The following CDON variants were observed in gnomAD, a reference collection of about 807,000 sequenced individuals.
CDON encodes cell adhesion associated, oncogene regulated, also known as cell adhesion molecule-related/down-regulated by oncogenes.
Under a neutral mutation model 120.9 loss-of-function variants are expected in CDON, and 73 were observed. The ratio of observed to expected loss-of-function variants is 0.60; its 90% CI spans 0.50 to 0.73. The LOEUF is 0.73. CDON is among the 30% of genes least tolerant of loss of function. The pLI is 0.00. For missense variants in CDON, 1,470 were observed against 1,587.3 expected (o/e 0.93, Z 1.26); for synonymous variants, 566 against 573.5 (o/e 0.99, Z 0.19).
At chr11:126,038,633 C>T (rs1948168559) in intron 1 of CDON, among the ~76,000 whole-genome samples, 1 of 151,302 alleles carries the variant, frequency 6.6e-6, no homozygotes, top group African/African-American at 2.4e-5. Context: ...GCCTGGGCAA[C>T]AGGAGCGAAA....
chr11:126,001,195 CTTT>C (rs35347300), intron 11 of CDON, among the ~76,000 whole-genome samples: 62 of 135,868 alleles, frequency 4.6e-4, no homozygotes, highest in Non-Finnish European at 5.7e-4. Context: ...CTTCCTTTTT[CTTT>C]TTTTTTTTTT....
intron 12 of CDON, among the ~76,000 whole-genome samples, chr11:125,996,437 G>A (rs552536446): frequency 6.6e-6 from 1 of 152,148 alleles, no homozygotes; most frequent in African/African-American, 2.4e-5. Context: ...GGTGGCTCAC[G>A]CCTGTAATCC....
chr11:126,038,810 G>A (rs897984849), intron 1 of CDON, among the ~76,000 whole-genome samples: 1 of 151,736 alleles, frequency 6.6e-6, no homozygotes, highest in Admixed American at 6.6e-5. Flanking sequence ...GCCAACATAA[G>A]TAAGTACCTC....
At chr11:126,025,284 G>A (rs144411267) in intron 1 of CDON, among the ~76,000 whole-genome samples, 3 of 152,120 alleles carry the variant, frequency 2.0e-5, no homozygotes, top group East Asian at 3.9e-4. Flanking sequence ...CTCAAACATC[G>A]ATGAGAAGCA....
chr11:125,978,224 A>G, intron 18 of CDON, 80 bp downstream of exon 18: 1 of 813,626 alleles, frequency 1.2e-6, no homozygotes, highest in South Asian at 1.4e-5. Context: ...AATTCCAAGA[A>G]CTTTCTTTGC....
chr11:126,019,504 T>G lies in CDON; in HGVS notation c.496+115A>C, dbSNP rs1257288101. On this transcript the variant is annotated intron_variant, in intron 4 of 19. Transcript: ENST00000531738. ...ATTGTAACCATTTGTTTTAGTCCTC[T>G]CCACTCATGCCTTCTTGTATCCACA... is the stretch of plus-strand genomic sequence containing the variant. 67 of 1,127,888 alleles carry G rather than the reference T, an allele frequency of 5.9e-5. 1 individual carries two copies. The Admixed American group carries it at 1.2e-3, about 20-fold the overall frequency. 69.9% of individuals were successfully genotyped at this position (1,127,888 alleles called of 1,614,324 possible).
At chr11:126,047,429 C>T (rs557271131) in intron 1 of CDON, among the ~76,000 whole-genome samples, 4 of 152,272 alleles carry the variant, frequency 2.6e-5, no homozygotes, top group South Asian at 4.1e-4. Context: ...GTTACTCCCA[C>T]GGCAAGAGCT....
At chr11:125,977,971 A>T (rs1178531447) in intron 18 of CDON, among the ~76,000 whole-genome samples, 2 of 152,164 alleles carry the variant, frequency 1.3e-5, no homozygotes, top group Admixed American at 1.3e-4. Context: ...CCCATAACAT[A>T]GAGTAGAAAA....
chr11:125,976,927 C>G (rs1453096632), intron 18 of CDON, among the ~76,000 whole-genome samples: 1 of 152,170 alleles, frequency 6.6e-6, no homozygotes, highest in African/African-American at 2.4e-5. Context: ...TATTCTTAGA[C>G]CAGAGATCCT....
intron 18 of CDON, among the ~76,000 whole-genome samples, chr11:125,976,954 A>G (rs1946165749): frequency 6.6e-6 from 1 of 152,192 alleles, no homozygotes; most frequent in Non-Finnish European, 1.5e-5. Flanking sequence ...ATACCATTCT[A>G]TTGTCCAGGA....
intron 15 of CDON, among the ~76,000 whole-genome samples, chr11:125,985,501 G>T (rs755757032): frequency 3.3e-5 from 5 of 152,122 alleles, no homozygotes; most frequent in Non-Finnish European, 7.4e-5. Flanking sequence ...TTTGAAATGG[G>T]GATATTAGTA....
intron 16 of CDON, among the ~76,000 whole-genome samples, chr11:125,983,247 G>A (rs1349979130): frequency 6.6e-6 from 1 of 152,190 alleles, no homozygotes; most frequent in African/African-American, 2.4e-5. Context: ...ACAGTGAGGT[G>A]AAGAGAACTG....
chr11:125,981,970 C>CTTTTCTTTTTTTTTT (rs1946320852), intron 16 of CDON, among the ~76,000 whole-genome samples: 1 of 54,290 alleles, frequency 1.8e-5, no homozygotes, highest in East Asian at 6.1e-4. Context: ...ATTCTATTTT[C>CTTTTCTTTTTTTTTT]TTTTTTTTTT....
In CDON at chr11:125,958,565, ATGTGTGTGTGTGTG is replaced by A. The variant is rs35654681; in HGVS notation, c.*2363_*2376del. ...AAGGCAATTATATATATATATATAT[ATGTGTGTGTGTGTG>A]TGTGTGTGTGTGTTTATATATATAT... is the stretch of plus-strand genomic sequence containing the variant. On this transcript the variant is annotated 3_prime_UTR_variant, in exon 20 of 20. Transcript: ENST00000531738. The A allele has an allele frequency of 7.7e-6, 1 of 130,084 alleles. No individual in the cohort carries two copies. The highest frequency in any genetic ancestry group is 1.6e-5 in the Non-Finnish European group (1 of 62,376). The allele number at this position is 130,084 out of a possible 1,614,324, so 8.1% of individuals were successfully genotyped here. A position where few individuals can be genotyped will look rare whatever the true frequency, so the allele number is the denominator to read the frequency against.
At chr11:126,058,349 G>A (rs528471239) in intron 1 of CDON, among the ~76,000 whole-genome samples, 21 of 152,240 alleles carry the variant, frequency 1.4e-4, no homozygotes, top group Non-Finnish European at 2.8e-4. Flanking sequence ...ACAGCAAAGC[G>A]ACTAAACAGC....
At chr11:125,986,248 G>A (rs1946454661) in intron 15 of CDON, among the ~76,000 whole-genome samples, 1 of 152,222 alleles carries the variant, frequency 6.6e-6, no homozygotes, top group South Asian at 2.1e-4. Flanking sequence ...ATTGAACAAT[G>A]AGAACCCTCG....
At chr11:126,032,031 T>C (rs746920233) in intron 1 of CDON, among the ~76,000 whole-genome samples, 3 of 152,200 alleles carry the variant, frequency 2.0e-5, no homozygotes, top group Non-Finnish European at 4.4e-5. Flanking sequence ...CTGGCTATCT[T>C]GGATTGGGAC....
rs1437803891 is a variant in CDON at position 126,015,506 on chromosome 11, A to G, written c.933T>C (p.His311=). ...CCTGTAGTCCTTTAGAAATGGAAGC[A>G]TGTTCTGAAAATAAAACACACAAAT... ...YVTYMVNVLE[H]ASISKGLQDQ... Residue 311 remains histidine, a synonymous_variant, in exon 7 of 20, where the codon CAT becomes CAC. Transcript: ENST00000531738. 6.2e-7 allele frequency: 1 copy of G among 1,613,814 alleles called. No individual in the cohort carries two copies. Among genetic ancestry groups the G allele is most frequent in the Non-Finnish European group, 8.5e-7 (1 of 1,179,866 alleles).
At chr11:125,994,793 T>C in intron 13 of CDON, 78 bp downstream of exon 13, 1 of 1,273,088 alleles carries the variant, frequency 7.9e-7, no homozygotes, top group Non-Finnish European at 1.1e-6. Flanking sequence ...CTGTTTACTG[T>C]ATTGTGTCAT....
Sources: gnomAD v4.1 joint callset for allele counts (sites outside exome capture counted in the v4.1 genomes callset) on GRCh38, gnomAD v4.1.1 for gene constraint, MANE v1.5 for transcripts, NCBI Gene and HGNC (gene_info 2026-07-23, HGNC 2026-07-21) for gene names.